The following RBFOX1 variants were observed in gnomAD, a reference collection of about 807,000 sequenced individuals.
RBFOX1 encodes the protein RNA binding fox-1 homolog 1, also known as RNA binding protein fox-1 homolog 1.
Under a neutral mutation model 57.7 loss-of-function variants are expected in RBFOX1, and 8 were observed. The observed-to-expected ratio is 0.14, with a 90% CI of 0.08 to 0.25. The LOEUF (loss-of-function observed/expected upper bound fraction) is 0.25, where lower values mean the gene tolerates loss of function less well. Among genes scored for constraint, RBFOX1 ranks in the 10% least tolerant of loss-of-function variants. RBFOX1 has a pLI of 1.00. For missense variants in RBFOX1, 611 were observed against 548.5 expected (o/e 1.11, Z -1.14); for synonymous variants, 326 against 222.4 (o/e 1.47, Z -4.15).
At chr16:6,702,308 C>G (rs1027605680) in intron 3 of RBFOX1, among the ~76,000 whole-genome samples, 2 of 152,156 alleles carry the variant, frequency 1.3e-5, no homozygotes, top group Non-Finnish European at 2.9e-5. Flanking sequence ...AAACCCAGTA[C>G]TTTGGAAGGC....
At chr16:7,331,374 G>T (rs76542371) in intron 4 of RBFOX1, among the ~76,000 whole-genome samples, 3,361 of 152,146 alleles carry the variant, frequency 0.022, 68 homozygotes, top group South Asian at 0.096. Context: ...GTGATTCCTG[G>T]GACTTGGGCA....
At chr16:7,106,414 G>C (rs563718887) in intron 4 of RBFOX1, among the ~76,000 whole-genome samples, 1 of 152,038 alleles carries the variant, frequency 6.6e-6, no homozygotes, top group Non-Finnish European at 1.5e-5. Context: ...TCTTCATTTT[G>C]TATTTCTTGT....
intron 4 of RBFOX1, among the ~76,000 whole-genome samples, chr16:7,514,405 T>A (rs1256410241): frequency 6.6e-6 from 1 of 152,154 alleles, no homozygotes; most frequent in Non-Finnish European, 1.5e-5. Context: ...TTTATAAATG[T>A]CCACTTTGCA....
At chr16:7,005,293 C>A (rs1481962010) in intron 3 of RBFOX1, among the ~76,000 whole-genome samples, 1 of 152,176 alleles carries the variant, frequency 6.6e-6, no homozygotes, top group Non-Finnish European at 1.5e-5. Flanking sequence ...TGCCTCCATT[C>A]CAGTCATCTT....
intron 3 of RBFOX1, among the ~76,000 whole-genome samples, chr16:6,746,217 C>A (rs547752582): frequency 6.6e-6 from 1 of 151,954 alleles, no homozygotes; most frequent in African/African-American, 2.4e-5. Flanking sequence ...AACACAATGC[C>A]AATCAAACCC....
intron 4 of RBFOX1, among the ~76,000 whole-genome samples, chr16:7,248,296 A>T (rs1173130778): frequency 6.6e-6 from 1 of 152,088 alleles, no homozygotes; most frequent in Non-Finnish European, 1.5e-5. Flanking sequence ...TTTCCTACCT[A>T]CTGCTCACTC....
intron 4 of RBFOX1, among the ~76,000 whole-genome samples, chr16:7,106,377 A>T (rs1285680897): frequency 1.3e-5 from 2 of 152,144 alleles, no homozygotes; most frequent in African/African-American, 2.4e-5. Flanking sequence ...ATGGAGTCAG[A>T]TTGAAAAATA....
At chr16:5,867,154 G>GTA (rs1388201846) in intron 3 of RBFOX1, 1 of 386,068 alleles carries the variant, frequency 2.6e-6, no homozygotes, top group African/African-American at 2.1e-5. Context: ...AAATGCATGT[G>GTA]TGTGTGTGTG....
At chr16:7,235,872 T>G (rs1205238802) in intron 4 of RBFOX1, among the ~76,000 whole-genome samples, 1 of 152,234 alleles carries the variant, frequency 6.6e-6, no homozygotes, top group Admixed American at 6.5e-5. Context: ...TGAAGCAGTG[T>G]GGATCCATAT....
intron 1 of RBFOX1, among the ~76,000 whole-genome samples, chr16:5,381,202 G>C (rs1167586586): frequency 6.6e-6 from 1 of 152,224 alleles, no homozygotes; most frequent in Non-Finnish European, 1.5e-5. Context: ...TCTGTATAGA[G>C]AGAGACTCAG....
At chr16:7,078,067 G>A (rs867163424) in intron 4 of RBFOX1, among the ~76,000 whole-genome samples, 41 of 152,292 alleles carry the variant, frequency 2.7e-4, no homozygotes, top group Admixed American at 6.5e-4. Context: ...TCCTGCCTTT[G>A]CCTCTCTCTA....
chr16:6,807,971 G>T (rs150937205), intron 3 of RBFOX1, among the ~76,000 whole-genome samples: 1 of 147,128 alleles, frequency 6.8e-6, no homozygotes, highest in Admixed American at 6.9e-5. Flanking sequence ...TATAATATGC[G>T]TATTGTACCC....
chr16:5,569,558 C>T (rs929819678), intron 2 of RBFOX1, among the ~76,000 whole-genome samples: 7 of 143,810 alleles, frequency 4.9e-5, no homozygotes, highest in Non-Finnish European at 1.0e-4. Flanking sequence ...TAGATCTATG[C>T]GGTGGATACA....
intron 2 of RBFOX1, among the ~76,000 whole-genome samples, chr16:6,367,189 A>C (rs550275460): frequency 6.6e-6 from 1 of 152,226 alleles, no homozygotes; most frequent in East Asian, 1.9e-4. Context: ...TACACAGGTT[A>C]TGCTGAATTG....
intron 5 of RBFOX1, among the ~76,000 whole-genome samples, chr16:7,567,913 A>T (rs2092293703): frequency 6.6e-6 from 1 of 151,024 alleles, no homozygotes; most frequent in African/African-American, 2.4e-5. Flanking sequence ...ATATATCCAT[A>T]TATATGTATG....
intron 4 of RBFOX1, among the ~76,000 whole-genome samples, chr16:7,098,943 A>C (rs753595277): frequency 6.6e-6 from 1 of 152,038 alleles, no homozygotes; most frequent in Non-Finnish European, 1.5e-5. Flanking sequence ...TTGTTTTTCA[A>C]CTGATATTGA....
rs563686669 is a variant in RBFOX1, at chr16:7,443,027, C to T, written c.28-75120C>T. 1.3e-4 allele frequency among the ~76,000 whole-genome samples: 20 copies of T among 152,264 alleles called. No individual in the cohort carries two copies. The South Asian group carries it at 4.1e-3, about 32-fold the overall frequency. On this transcript the variant is annotated intron_variant, in intron 4 of 15. Transcript: ENST00000550418. Reference sequence around the variant, plus strand: ...ACCATCAAACACTTTAATTAACATCCTTTTTACTTTGGGCAGCCCCATTCG... The same window carrying T: ...ACCATCAAACACTTTAATTAACATCTTTTTTACTTTGGGCAGCCCCATTCG...
At chr16:6,253,128 A>T (rs922084859) in intron 1 of RBFOX1, among the ~76,000 whole-genome samples, 1 of 152,170 alleles carries the variant, frequency 6.6e-6, no homozygotes, top group African/African-American at 2.4e-5. Context: ...ACACACACTT[A>T]CATCTCTAAT....
Position 6,632,581 on chromosome 16 carries a change from A to G in RBFOX1, c.-63-22022A>G, listed in dbSNP as rs1364923873. Among the ~76,000 whole-genome samples, 14 of 152,190 alleles carry G rather than the reference A, an allele frequency of 9.2e-5. No individual in the cohort carries two copies. The East Asian group carries it at 2.3e-3, about 25-fold the overall frequency. On this transcript the variant is annotated intron_variant, in intron 2 of 15. Transcript: ENST00000550418. ...CAATGTTGATGGATTTCAGTGGAAC[A>G]AAAATGAGTCTCTTGAGGTTAGAAG...
Sources: allele counts gnomAD v4.1 joint callset (sites outside exome capture counted in the v4.1 genomes callset), GRCh38; gene constraint gnomAD v4.1.1; transcripts MANE v1.5; gene names NCBI Gene and HGNC (gene_info 2026-07-23, HGNC 2026-07-21).